The following VAV3 variants were observed in gnomAD, a reference collection of about 807,000 sequenced individuals.
VAV3 encodes the protein vav guanine nucleotide exchange factor 3.
VAV3 carries 94 observed loss-of-function variants against 131.2 expected under a neutral mutation model. The ratio of observed to expected loss-of-function variants is 0.72; its 90% confidence interval spans 0.61 to 0.85. The LOEUF (loss-of-function observed/expected upper bound fraction) is 0.85, where lower values mean the gene tolerates loss of function less well. Among genes scored for constraint, VAV3 ranks in the 40% least tolerant of loss-of-function variants. The pLI, the probability that VAV3 is intolerant of heterozygous loss-of-function variation, is 0.00. For synonymous variants in VAV3, 349 were observed against 342.0 expected, an observed-to-expected ratio of 1.02 and a Z score of -0.22; for missense variants, 939 against 1,002.7, an observed-to-expected ratio of 0.94 and a Z score of 0.86.
rs1484833578 is a variant in VAV3 at position 107,866,673 on chromosome 1, A to G, written c.321+8228T>C. 2.0e-5 allele frequency among the ~76,000 whole-genome samples: 3 copies of G among 151,692 alleles called. No homozygotes were observed. In the East Asian group the frequency reaches 5.8e-4, roughly 29 times the overall value. On this transcript the variant is annotated intron_variant, in intron 2 of 26. Coordinates refer to ENST00000370056, the MANE Select transcript of VAV3 (RefSeq NM_006113.5). Reference sequence around the variant, plus strand: ...CCATCTCTACTAAAAAATACAAAAAATTACCCAGGCATGATGGTGCACACT... The same window carrying G: ...CCATCTCTACTAAAAAATACAAAAAGTTACCCAGGCATGATGGTGCACACT...
intron 1 of VAV3, among the ~76,000 whole-genome samples, chr1:107,920,024 C>G (rs1410025873): frequency 6.6e-6 from 1 of 152,102 alleles, no homozygotes; most frequent in East Asian, 1.9e-4. Context: ...GTAATCTTTT[C>G]TTTCATAATG....
At chr1:107,963,812 C>T (rs898019335) in intron 1 of VAV3, among the ~76,000 whole-genome samples, 1 of 152,114 alleles carries the variant, frequency 6.6e-6, no homozygotes, top group Non-Finnish European at 1.5e-5. Context: ...TCCTTCTGTA[C>T]AAAAATTTTC....
At chr1:107,674,790 T>C (rs1658075829) in intron 19 of VAV3, among the ~76,000 whole-genome samples, 1 of 151,986 alleles carries the variant, frequency 6.6e-6, no homozygotes, top group African/African-American at 2.4e-5. Flanking sequence ...ATGGCAAAGG[T>C]GATGGGATGT....
intron 17 of VAV3, among the ~76,000 whole-genome samples, chr1:107,699,044 A>T (rs753452970): frequency 7.5e-4 from 114 of 152,290 alleles, no homozygotes; most frequent in Non-Finnish European, 9.3e-4. Flanking sequence ...GCCCCTCCCA[A>T]AACTCACATC....
intron 24 of VAV3, among the ~76,000 whole-genome samples, chr1:107,596,990 C>T (rs958190720): frequency 6.6e-6 from 1 of 152,128 alleles, no homozygotes; most frequent in Non-Finnish European, 1.5e-5. Flanking sequence ...TGCCATCCTT[C>T]AGACTATCGT....
intron 1 of VAV3, among the ~76,000 whole-genome samples, chr1:107,887,215 T>G (rs936521454): frequency 1.3e-5 from 2 of 152,208 alleles, no homozygotes; most frequent in Non-Finnish European, 2.9e-5. Flanking sequence ...AGGACTGCGC[T>G]CTTACCCGCA....
At chr1:107,921,304 T>C (rs1428369906) in intron 1 of VAV3, among the ~76,000 whole-genome samples, 2 of 152,230 alleles carry the variant, frequency 1.3e-5, no homozygotes, top group African/African-American at 4.8e-5. Flanking sequence ...CTCCAGTCTT[T>C]AAACTGCATC....
intron 19 of VAV3, among the ~76,000 whole-genome samples, chr1:107,658,294 C>T (rs1195489626): frequency 6.6e-6 from 1 of 152,194 alleles, no homozygotes; most frequent in Non-Finnish European, 1.5e-5. Context: ...TTCCTTATGG[C>T]TGCATAGTAT....
At chr1:107,672,260 C>T (rs1393504950) in intron 19 of VAV3, 11 of 106,488 alleles carry the variant, frequency 1.0e-4, no homozygotes, top group African/African-American at 3.9e-4. Context: ...CAGAGCAAGA[C>T]TCTGTCTCAA....
chr1:107,825,462 A>G (rs1667971198), intron 2 of VAV3, among the ~76,000 whole-genome samples: 1 of 152,128 alleles, frequency 6.6e-6, no homozygotes, highest in Admixed American at 6.6e-5. Context: ...CGCGGGAAAA[A>G]AAAAAACTGC....
At chr1:107,805,956 C>T (rs1268553091) in intron 2 of VAV3, among the ~76,000 whole-genome samples, 1 of 152,086 alleles carries the variant, frequency 6.6e-6, no homozygotes, top group African/African-American at 2.4e-5. Flanking sequence ...GGGATACTAG[C>T]AGTGTGGGGA....
chr1:107,855,328 G>A (rs1669420561), intron 2 of VAV3, among the ~76,000 whole-genome samples: 1 of 152,000 alleles, frequency 6.6e-6, no homozygotes, highest in Admixed American at 6.6e-5. Flanking sequence ...CCAGGCTAAA[G>A]TGCAGTGGCA....
intron 20 of VAV3, among the ~76,000 whole-genome samples, chr1:107,632,848 C>CCCAGACATA (rs1654605120): frequency 6.6e-6 from 1 of 152,186 alleles, no homozygotes; most frequent in African/African-American, 2.4e-5. Context: ...TTACATATAC[C>CCCAGACATA]CCAGACATAC....
intron 25 of VAV3, among the ~76,000 whole-genome samples, chr1:107,575,665 G>C (rs1649596446): frequency 6.6e-6 from 1 of 152,146 alleles, no homozygotes; most frequent in Admixed American, 6.5e-5. Context: ...CATCAACTGT[G>C]TGGTGACCTT....
intron 15 of VAV3, among the ~76,000 whole-genome samples, chr1:107,728,612 T>TGTATATGTATACGTATAC (rs1662011354): frequency 2.2e-5 from 2 of 90,518 alleles, no homozygotes; most frequent in African/African-American, 3.5e-5. Context: ...TATATGTATA[T>TGTATATGTATACGTATAC]GTATATGTAT....
At position 107,680,207 on chromosome 1, in the gene VAV3, A is replaced by T. The variant is rs1248414683; in HGVS notation, c.1777+3281T>A. On this transcript the variant is annotated intron_variant, in intron 19 of 26. Coordinates refer to ENST00000370056, the MANE Select transcript of VAV3 (RefSeq NM_006113.5). ...TTTTCTTTGCTTCTTTATTGCAATA[A>T]CAAACACTAATAATTTCACCAAAAA... 2.0e-5 allele frequency among the ~76,000 whole-genome samples: 3 copies of T among 150,734 alleles called. No individual in the cohort carries two copies. The Admixed American group carries it at 2.0e-4, about 10-fold the overall frequency.
Position 107,775,577 on chromosome 1 carries a change from C to CA in VAV3, c.446+1653dup, listed in dbSNP as rs34775096. The stretch of plus-strand genomic sequence containing the variant: ...TGGGTGCCAGAGCAAGACTCAGTCA[C>CA]AAAAAAAAAAAAAAAAAAAAAAAAA... On this transcript the variant is annotated intron_variant, in intron 4 of 26. Coordinates refer to ENST00000370056, the MANE Select transcript of VAV3 (RefSeq NM_006113.5). 5.6e-3 allele frequency among the ~76,000 whole-genome samples: 317 copies of CA among 56,478 alleles called. 39 individuals are homozygous for CA. The highest frequency in any genetic ancestry group is 8.3e-3 in the African/African-American group (111 of 13,356). The allele number at this position is 56,478 out of a possible 152,430, so 37.1% of individuals were successfully genotyped here. A position where few individuals can be genotyped will look rare whatever the true frequency, so the allele number is the denominator to read the frequency against.
chr1:107,577,539 T>C (rs1649743126), intron 25 of VAV3, among the ~76,000 whole-genome samples: 1 of 152,216 alleles, frequency 6.6e-6, no homozygotes, highest in African/African-American at 2.4e-5. Context: ...ACAACCAAGT[T>C]CTGGCCAATG....
chr1:107,603,281 T>C (rs775135308), intron 22 of VAV3, 118 bp from the exon 23 acceptor site: 9 of 712,688 alleles, frequency 1.3e-5, no homozygotes, highest in Non-Finnish European at 1.9e-5. Flanking sequence ...GGTAATTCTA[T>C]ACTAATTACA....
Sources: gnomAD v4.1 joint callset for allele counts (sites outside exome capture counted in the v4.1 genomes callset) on GRCh38, gnomAD v4.1.1 for gene constraint, MANE v1.5 for transcripts, NCBI Gene and HGNC (gene_info 2026-07-23, HGNC 2026-07-21) for gene names.